Variants in ABCA3 observed in about 807,000 individuals in gnomAD.
The protein encoded by ABCA3 is ATP binding cassette subfamily A member 3, also known as phospholipid-transporting ATPase ABCA3.
Under a neutral mutation model 172.8 loss-of-function variants are expected in ABCA3, and 88 were observed. The ratio of observed to expected loss-of-function variants is 0.51; its 90% CI spans 0.43 to 0.61. The LOEUF (loss-of-function observed/expected upper bound fraction) is 0.61, where lower values mean the gene tolerates loss of function less well. ABCA3 is among the 20% of genes least tolerant of loss of function. The pLI is 0.00. For missense variants in ABCA3, 2,164 were observed against 2,301.0 expected, an observed-to-expected ratio of 0.94 and a Z score of 1.22; for synonymous variants, 1,066 against 983.8, an observed-to-expected ratio of 1.08 and a Z score of -1.56.
At chr16:2,303,325 G>A (rs574724899) in intron 12 of ABCA3, among the ~76,000 whole-genome samples, 5 of 149,404 alleles carry the variant, frequency 3.3e-5, no homozygotes, top group African/African-American at 1.2e-4. Context: ...GCAATGGCGC[G>A]ATCTTGGCTC....
chr16:2,305,054 C>T (rs1661296589), intron 11 of ABCA3, among the ~76,000 whole-genome samples: 1 of 152,054 alleles, frequency 6.6e-6, no homozygotes, highest in South Asian at 2.1e-4. Flanking sequence ...CTCGGGCAAC[C>T]TACCCGCCTT....
chr16:2,340,196 G>A (rs1244024181), intron 1 of ABCA3, among the ~76,000 whole-genome samples: 1 of 152,214 alleles, frequency 6.6e-6, no homozygotes, highest in Admixed American at 6.5e-5. Flanking sequence ...GGCCGGGGCT[G>A]TCGGTCGCTA....
At chr16:2,326,562 A>G (rs1322608883) in intron 3 of ABCA3, 70 bp from the exon 4 acceptor site, 1 of 1,489,534 alleles carries the variant, frequency 6.7e-7, no homozygotes, top group African/African-American at 1.4e-5. Flanking sequence ...TTTGGGGAAA[A>G]GCCATGGACC....
At chr16:2,317,850 G>A in intron 8 of ABCA3, 86 bp from the exon 9 acceptor site, 1 of 1,210,398 alleles carries the variant, frequency 8.3e-7, no homozygotes. Context: ...GCAGGCCTGA[G>A]TCCGACTGTC....
chr16:2,285,401 C>T lies in ABCA3; in HGVS notation c.3483+41G>A, dbSNP rs746546254. 12 of 1,569,188 alleles carry T rather than the reference C, an allele frequency of 7.6e-6. No homozygotes were observed. The Admixed American group carries it at 9.4e-5, about 12-fold the overall frequency. ...CAGGGGTCCCAGGGCAAGCCCTCTG[C>T]GGTCTGCAGGGGAACGGATCCAGCA... On this transcript the variant is annotated intron_variant, in intron 23 of 32. Coordinates refer to ENST00000301732, the MANE Select transcript of ABCA3 (RefSeq NM_001089.3). The surrounding 1 kb of genome is among the most constrained non-coding windows in gnomAD (Gnocchi z 4.7).
rs1383193384 is a variant in ABCA3 at position 2,281,008 on chromosome 16, C to A, written c.4359+19G>T. 1 of 1,613,862 alleles carries A rather than the reference C, an allele frequency of 6.2e-7. No individual in the cohort carries two copies. The highest frequency in any genetic ancestry group is 2.2e-5 in the East Asian group (1 of 44,876). On this transcript the variant is annotated intron_variant, in intron 28 of 32. Transcript: ENST00000301732. The surrounding 1 kb of genome is among the most constrained non-coding windows in gnomAD (Gnocchi z 4.7). Reference sequence around the variant, plus strand: ...CCATGCCTGTCTCACCCCTTCAGAGCCTCCCTGGCTGCACCCACCTTTCCG... The same window carrying A: ...CCATGCCTGTCTCACCCCTTCAGAGACTCCCTGGCTGCACCCACCTTTCCG...
Position 2,285,101 on chromosome 16 carries a change from G to C in ABCA3, c.3484-103C>G, listed in dbSNP as rs150688587. ...ATTTGGAGGTCCTCAGACCCCTCCC[G>C]GTCAGCTGGCCCATGTCCATCAGCC... On this transcript the variant is annotated intron_variant, in intron 23 of 32. Coordinates refer to ENST00000301732, the MANE Select transcript of ABCA3 (RefSeq NM_001089.3). This position sits in a 1 kb window ranked among gnomAD's most constrained non-coding sequence, Gnocchi z 4.7. 1.5e-6 allele frequency: 2 copies of C among 1,315,828 alleles called. No homozygotes were observed. Among genetic ancestry groups the C allele is most frequent in the South Asian group, 1.3e-5 (1 of 79,152 alleles). The allele number at this position is 1,315,828 out of a possible 1,614,324, so 81.5% of individuals were successfully genotyped here.
intron 12 of ABCA3, among the ~76,000 whole-genome samples, chr16:2,301,000 G>C (rs930167072): frequency 6.6e-6 from 1 of 151,910 alleles, no homozygotes; most frequent in Non-Finnish European, 1.5e-5. Context: ...GGAGGCCGAG[G>C]CGGGCGGATC....
In ABCA3 at chr16:2,289,539, G is replaced by T; in HGVS notation, c.2595C>A (p.Ala865=). 1 of 1,575,082 alleles carries T rather than the reference G, an allele frequency of 6.3e-7. No homozygotes were observed. Among genetic ancestry groups the T allele is most frequent in the Non-Finnish European group, 8.6e-7 (1 of 1,161,184 alleles). Residue 865 remains alanine (A), a synonymous_variant, in exon 20 of 33, where the codon GCC becomes GCA. Transcript: ENST00000301732. Reference sequence around the variant, plus strand: ...GGTTGCTGTCCACAGCCCAGTCGCTGGCGCGCCTCTCGTGCTGGTACTGCA... The same window carrying T: ...GGTTGCTGTCCACAGCCCAGTCGCTTGCGCGCCTCTCGTGCTGGTACTGCA... ...PALQYQHERR[A]SDWAVDSNLC...
At chr16:2,325,032 G>C (rs942816368) in intron 5 of ABCA3, among the ~76,000 whole-genome samples, 16 of 152,168 alleles carry the variant, frequency 1.1e-4, no homozygotes. Context: ...TTGCTACAAG[G>C]AATTAAAGCC....
chr16:2,298,601 T>C (rs559407807), intron 14 of ABCA3, 61 bp from the exon 15 acceptor site: 1 of 1,591,978 alleles, frequency 6.3e-7, no homozygotes, highest in African/African-American at 1.4e-5. Context: ...GCACCCGCGG[T>C]AATGACCCCC....
chr16:2,325,536 GC>G (rs2141739922), intron 5 of ABCA3, among the ~76,000 whole-genome samples: 2 of 152,276 alleles, frequency 1.3e-5, no homozygotes, highest in Non-Finnish European at 2.9e-5. Context: ...CATCAGGCAA[GC>G]AAAAACCTCA....
In ABCA3 at chr16:2,283,067, C is replaced by G; in HGVS notation, c.4035+119G>C. 8.5e-7 allele frequency: 1 copy of G among 1,178,252 alleles called. No individual in the cohort carries two copies. The highest frequency in any genetic ancestry group is 1.3e-5 in the South Asian group (1 of 76,114). The allele number at this position is 1,178,252 out of a possible 1,614,324, so 73.0% of individuals were successfully genotyped here. A position where few individuals can be genotyped will look rare whatever the true frequency, so the allele number is the denominator to read the frequency against. On this transcript the variant is annotated intron_variant, in intron 26 of 32. Transcript: ENST00000301732. The surrounding 1 kb of genome is among the most constrained non-coding windows in gnomAD (Gnocchi z 5.4). ...GGTGCTGAGGCCGTACAGTGGGAGACCATCTGGTGCAGGAGCTGCCTGGTG... is the reference window on the plus strand; with the variant it reads ...GGTGCTGAGGCCGTACAGTGGGAGAGCATCTGGTGCAGGAGCTGCCTGGTG...
chr16:2,309,837 C>G (rs1480615654), intron 10 of ABCA3, among the ~76,000 whole-genome samples: 1 of 152,030 alleles, frequency 6.6e-6, no homozygotes, highest in Non-Finnish European at 1.5e-5. Context: ...CAGGGCTAGT[C>G]TAAAGCTCCT....
At chr16:2,329,257 G>C (rs563528506) in intron 2 of ABCA3, among the ~76,000 whole-genome samples, 1 of 152,136 alleles carries the variant, frequency 6.6e-6, no homozygotes, top group East Asian at 1.9e-4. Context: ...CTCAAAGTCA[G>C]TTGCTGATGA....
At chr16:2,307,237 A>C (rs769170652) in intron 11 of ABCA3, among the ~76,000 whole-genome samples, 2 of 152,014 alleles carry the variant, frequency 1.3e-5, no homozygotes, top group African/African-American at 2.4e-5. Context: ...TCTACCCTTT[A>C]CCAAGAGCAG....
rs1004768450 is a variant in ABCA3, at chr16:2,279,653, C to T, written c.4360-523G>A. 5.9e-5 allele frequency among the ~76,000 whole-genome samples: 9 copies of T among 152,156 alleles called. No homozygotes were observed. The East Asian group carries it at 1.4e-3, about 23-fold the overall frequency. On this transcript the variant is annotated intron_variant, in intron 28 of 32. Transcript: ENST00000301732. This position sits in a 1 kb window ranked among gnomAD's most constrained non-coding sequence, Gnocchi z 4.4. The stretch of plus-strand genomic sequence containing the variant: ...TGCTTAGCTACCTTCAGCAGCTGGT[C>T]GGGGGCAGGAGTGCCTGGGTTCTGT...
intron 19 of ABCA3, among the ~76,000 whole-genome samples, chr16:2,290,548 C>T (rs1268733311): frequency 6.6e-6 from 1 of 152,200 alleles, no homozygotes; most frequent in African/African-American, 2.4e-5. Context: ...CAGGATCAAC[C>T]CGGGTTCTAC....
Position 2,308,598 on chromosome 16 carries a change from G to C in ABCA3, c.1137C>G (p.Gly379=). The change falls in exon 11 of 33, where the codon GGC becomes GGG. Residue 379 remains glycine, a synonymous_variant. Coordinates refer to ENST00000301732, the MANE Select transcript of ABCA3 (RefSeq NM_001089.3). ...SKANMAAAFG[G]FLYFFTYIPY... ...GGATGTAGGTGAAGAAGTAGAGGAA[G>C]CCTCCGAAGGCTGCTGCCATGTTGG... 6.2e-7 allele frequency: 1 copy of C among 1,614,154 alleles called. No homozygotes were observed. The highest frequency in any genetic ancestry group is 2.2e-5 in the East Asian group (1 of 44,884).
Sources: allele counts gnomAD v4.1 joint callset (sites outside exome capture counted in the v4.1 genomes callset), GRCh38; gene constraint gnomAD v4.1.1; non-coding constraint Gnocchi (gnomAD v3.1); transcripts MANE v1.5; gene names NCBI Gene and HGNC (gene_info 2026-07-23, HGNC 2026-07-21).